Variants in BRD4 observed in about 807,000 individuals in gnomAD.
The protein encoded by BRD4 is bromodomain containing 4, also known as bromodomain-containing protein 4.
In BRD4, 16 loss-of-function variants were observed where a neutral mutation model predicts 142.1. The ratio of observed to expected loss-of-function variants is 0.11; its 90% CI spans 0.08 to 0.17. BRD4 has a LOEUF of 0.17. BRD4 is among the 10% of genes least tolerant of loss of function. The pLI, the probability that BRD4 is intolerant of heterozygous loss-of-function variation, is 1.00. For missense variants in BRD4, 1,424 were observed against 1,810.9 expected (o/e 0.79, Z 3.88); for synonymous variants, 833 against 707.5 (o/e 1.18, Z -2.82).
Position 15,254,228 on chromosome 19 carries a change from C to T in BRD4, c.2082G>A (p.Lys694=). Residue 694 remains lysine (K), a synonymous_variant, in exon 11 of 20, where the codon AAG becomes AAA. Transcript: ENST00000679869. ...EKVDVIAGSS[K]MKGFSSSESE... ...ACTCTGAGGACGAGAAGCCCTTCAT[C>T]TTGGAGGAGCCGGCAATCACATCAA... is the stretch of plus-strand genomic sequence containing the variant. The T allele has an allele frequency of 6.2e-7, 1 of 1,614,246 alleles. No individual in the cohort carries two copies. The highest frequency in any genetic ancestry group is 8.5e-7 in the Non-Finnish European group (1 of 1,180,050).
Position 15,259,187 on chromosome 19 carries a change from G to C in BRD4, c.1342-2014C>G, listed in dbSNP as rs1029435819. ...GCCACATGAGCTTCTGGAAGAGCCA[G>C]GCCTGCTGCCAAGCAGCAGGAAGCA... On this transcript the variant is annotated intron_variant, in intron 7 of 19. Coordinates refer to ENST00000679869, the MANE Select transcript of BRD4 (RefSeq NM_001379291.1). Among the ~76,000 whole-genome samples, 5 of 152,330 alleles carry C rather than the reference G, an allele frequency of 3.3e-5. No individual in the cohort carries two copies. In the East Asian group the frequency reaches 9.7e-4, roughly 29 times the overall value.
In BRD4 at chr19:15,243,160, A is replaced by AGCT. The variant is rs2047253835; in HGVS notation, c.2906_2908dup (p.Gln969dup). The AGCT allele has an allele frequency of 1.2e-5, 5 of 426,330 alleles. No homozygotes were observed. Among genetic ancestry groups the AGCT allele is most frequent in the Non-Finnish European group, 1.7e-5 (5 of 285,790 alleles). 26.4% of individuals were successfully genotyped at this position (426,330 alleles called of 1,614,324 possible). ...TGGGGGTGGTGGCGGCTGCTGCTGC[A>AGCT]GCTGCTGCTGCACAGAGGGGTGGGG... On this transcript the variant is annotated inframe_insertion, in exon 14 of 20. Transcript: ENST00000679869.
In BRD4 at chr19:15,257,026, C is replaced by A; in HGVS notation, c.1489G>T (p.Asp497Tyr). The A allele has an allele frequency of 6.3e-7, 1 of 1,595,396 alleles. No homozygotes were observed. ...DSSSDSSSDSDSSTDDSEEER... is the reference protein window; with the variant it reads ...DSSSDSSSDSYSSTDDSEEER... ...TCCTCAGAGTCATCAGTCGAACTGT[C>A]ACTGTCCGAGGAGCTATCGCTGCTG... The change falls in exon 8 of 20, where the codon GAC becomes TAC. Residue 497 changes from aspartate to tyrosine, a missense_variant. Asp to Tyr is a radical substitution (Grantham distance 160, BLOSUM62 -3). This residue lies in a region of BRD4 where 90 missense variants were observed against 93.2 expected (regional missense o/e 0.97). Transcript: ENST00000679869.
intron 1 of BRD4, among the ~76,000 whole-genome samples, chr19:15,321,239 GGAAAGGAAA>G (rs201640008): frequency 0.021 from 3,132 of 151,290 alleles, 63 homozygotes; most frequent in Non-Finnish European, 0.029. Flanking sequence ...AATGGGAAAG[GGAAAGGAAA>G]GAAAGGAAAG....
Position 15,263,514 on chromosome 19 carries a change from T to C in BRD4, c.1247A>G (p.Gln416Arg), listed in dbSNP as rs759760853. ...CAATCGGACGTCAGCACCAAACTCC[T>C]GAGCATCACGGTACTCACGGGCCTC... is the stretch of plus-strand genomic sequence containing the variant. ...KLEAREYRDA[Q>R]EFGADVRLMF... Residue 416 changes from glutamine to arginine, a missense_variant, in exon 7 of 20, where the codon CAG becomes CGG. Physicochemically the swap from Gln to Arg is conservative, Grantham distance 43. Coordinates refer to ENST00000679869, the MANE Select transcript of BRD4 (RefSeq NM_001379291.1). 2 of 1,614,204 alleles carry C rather than the reference T, an allele frequency of 1.2e-6. No homozygotes were observed. Among genetic ancestry groups the C allele is most frequent in the Non-Finnish European group, 1.7e-6 (2 of 1,180,044 alleles).
chr19:15,293,902 C>T (rs924225078), intron 1 of BRD4, among the ~76,000 whole-genome samples: 4 of 152,156 alleles, frequency 2.6e-5, no homozygotes, highest in Admixed American at 2.6e-4. Context: ...ACAATATTTG[C>T]CCTTTTGTGT....
At chr19:15,308,931 C>T (rs1035937664) in intron 1 of BRD4, among the ~76,000 whole-genome samples, 2 of 151,918 alleles carry the variant, frequency 1.3e-5, no homozygotes, top group African/African-American at 4.8e-5. Context: ...AGGAGAATTG[C>T]TTCAACCCAG....
intron 1 of BRD4, among the ~76,000 whole-genome samples, chr19:15,278,990 C>T (rs946202316): frequency 2.0e-5 from 3 of 152,106 alleles, no homozygotes; most frequent in Admixed American, 6.5e-5. Context: ...TACAAGCATG[C>T]GCCTGCACGC....
intron 11 of BRD4, chr19:15,253,627 G>C (rs2047372602): frequency 6.3e-7 from 1 of 1,596,442 alleles, no homozygotes; most frequent in African/African-American, 1.3e-5. Flanking sequence ...CCAGGTGATG[G>C]CAGGGCCAGC....
rs182667691 is a variant in BRD4, at chr19:15,255,310, T to C, written c.2034A>G (p.Lys678=). ...ERYVTSCLRK[K]RKPQAEKVDV... is the part of the protein sequence containing the mutation. ...GCCCAAGCACACCTTGAGGTTTCCT[T>C]TTCTTCCGCAAACAGGAGGTGACAT... The change falls in exon 10 of 20, where the codon AAA becomes AAG. Residue 678 remains lysine (K), a synonymous_variant. Transcript: ENST00000679869. 1 of 1,612,608 alleles carries C rather than the reference T, an allele frequency of 6.2e-7. No individual in the cohort carries two copies. Among genetic ancestry groups the C allele is most frequent in the East Asian group, 2.2e-5 (1 of 44,794 alleles).
At chr19:15,285,835 G>C (rs894107109) in intron 1 of BRD4, among the ~76,000 whole-genome samples, 8 of 152,168 alleles carry the variant, frequency 5.3e-5, no homozygotes, top group Non-Finnish European at 1.0e-4. Context: ...AAATGGCCAG[G>C]GGTGGGTGGG....
intron 1 of BRD4, among the ~76,000 whole-genome samples, chr19:15,310,700 G>C (rs952143927): frequency 6.6e-6 from 1 of 151,086 alleles, no homozygotes; most frequent in Non-Finnish European, 1.5e-5. Flanking sequence ...TCACCATACT[G>C]GCCAGGCTGG....
chr19:15,307,746 G>A (rs2047926598), intron 1 of BRD4, among the ~76,000 whole-genome samples: 1 of 152,118 alleles, frequency 6.6e-6, no homozygotes, highest in Non-Finnish European at 1.5e-5. Context: ...CCAATCAGGT[G>A]GCCGCACTAC....
At chr19:15,291,154 C>T (rs1431598318) in intron 1 of BRD4, among the ~76,000 whole-genome samples, 1 of 152,134 alleles carries the variant, frequency 6.6e-6, no homozygotes, top group Non-Finnish European at 1.5e-5. Flanking sequence ...ATGCCCTGCT[C>T]CTGGAGTAGG....
chr19:15,244,439 C>A lies in BRD4; in HGVS notation c.2373G>T (p.Pro791=), dbSNP rs772123155. The A allele has an allele frequency of 6.7e-6, 3 of 445,198 alleles. No individual in the cohort carries two copies. The highest frequency in any genetic ancestry group is 5.0e-5 in the South Asian group (3 of 60,514). 27.6% of individuals were successfully genotyped at this position (445,198 alleles called of 1,614,324 possible). The change falls in exon 13 of 20, where the codon CCG becomes CCT. Residue 791 remains proline (P), a synonymous_variant. Transcript: ENST00000679869. Reference sequence around the variant, plus strand: ...AGGGTGGGGGCGAGGACTTCATCGCCGGGGCTGCCTGCTGCGGCATGGAGG... The same window carrying A: ...AGGGTGGGGGCGAGGACTTCATCGCAGGGGCTGCCTGCTGCGGCATGGAGG... ...PPPSMPQQAA[P]AMKSSPPPFI...
intron 14 of BRD4, 73 bp downstream of exon 14, chr19:15,242,827 T>A: frequency 1.3e-6 from 2 of 1,548,008 alleles, no homozygotes; most frequent in Admixed American, 3.9e-5. Flanking sequence ...GAGTTAACCC[T>A]TCTGGCTTCC....
rs531520472 is a variant in BRD4 at position 15,297,896 on chromosome 19, C to A, written c.-34-24763G>T. 4.6e-5 allele frequency among the ~76,000 whole-genome samples: 7 copies of A among 152,308 alleles called. No individual in the cohort carries two copies. In the East Asian group the frequency reaches 1.4e-3, roughly 29 times the overall value. On this transcript the variant is annotated intron_variant, in intron 1 of 19. Transcript: ENST00000679869. The stretch of plus-strand genomic sequence containing the variant: ...GGTGCAGCACGGTGAAAGAGTGCTG[C>A]CTACATGTGTGCCCATCCACAACCT...
At position 15,244,391 on chromosome 19, in the gene BRD4, G is replaced by T; in HGVS notation, c.2421C>A (p.Val807=). 3.1e-6 allele frequency: 5 copies of T among 1,603,852 alleles called. No homozygotes were observed. The highest frequency in any genetic ancestry group is 4.2e-6 in the Non-Finnish European group (5 of 1,177,344). The part of the protein sequence containing the change: ...PPPFIATQVP[V]LEPQLPGSVF... ...CGCTGCCTGGGAGCTGGGGCTCCAGGACGGGCACCTGGGTGGCAATGAAGG... is the reference window on the plus strand; with the variant it reads ...CGCTGCCTGGGAGCTGGGGCTCCAGTACGGGCACCTGGGTGGCAATGAAGG... The change falls in exon 13 of 20, where the codon GTC becomes GTA. Residue 807 remains valine (V), a synonymous_variant. Coordinates refer to ENST00000679869, the MANE Select transcript of BRD4 (RefSeq NM_001379291.1).
intron 1 of BRD4, among the ~76,000 whole-genome samples, chr19:15,301,600 G>A (rs1026194393): frequency 2.7e-5 from 4 of 150,682 alleles, no homozygotes; most frequent in Admixed American, 6.6e-5. Flanking sequence ...AGTGACTCAC[G>A]CCTGTAATCC....
Sources: allele counts gnomAD v4.1 joint callset (sites outside exome capture counted in the v4.1 genomes callset), GRCh38; gene constraint gnomAD v4.1.1; regional missense constraint gnomAD v4.1.1; transcripts MANE v1.5; gene names NCBI Gene and HGNC (gene_info 2026-07-23, HGNC 2026-07-21).